Variants in PARVG observed in about 807,000 individuals in gnomAD.
PARVG encodes gamma-parvin.
Under a neutral mutation model 44.4 loss-of-function variants are expected in PARVG, and 36 were observed. The ratio of observed to expected loss-of-function variants is 0.81; its 90% CI spans 0.62 to 1.07. PARVG has a LOEUF of 1.07. Among genes scored for constraint, PARVG ranks in the 50% least tolerant of loss-of-function variants. The pLI is 0.00. For missense variants in PARVG, 407 were observed against 407.4 expected, an observed-to-expected ratio of 1.00 and a Z score of 0.01; for synonymous variants, 170 against 174.1, an observed-to-expected ratio of 0.98 and a Z score of 0.19.
chr22:44,205,253 G>C (rs2054764509), intron 12 of PARVG, among the ~76,000 whole-genome samples: 1 of 152,202 alleles, frequency 6.6e-6, no homozygotes, highest in Non-Finnish European at 1.5e-5. Context: ...GTGAGCTCCA[G>C]TGAGCCCCTT....
chr22:44,181,807 G>T lies in PARVG; in HGVS notation c.-123G>T. The T allele has an allele frequency of 1.0e-6, 1 of 985,492 alleles. No homozygotes were observed. 61.0% of individuals were successfully genotyped at this position (985,492 alleles called of 1,614,324 possible). A position where few individuals can be genotyped will look rare whatever the true frequency, so the allele number is the denominator to read the frequency against. On this transcript the variant is annotated 5_prime_UTR_variant, in exon 2 of 14. Transcript: ENST00000444313. ...GTGAGCAGCGGGGCTCCTGCCTCCC[G>T]GCCTGGTCCCCGAAGACCCCAGAAG...
chr22:44,183,085 G>T lies in PARVG; in HGVS notation c.-12-233G>T, dbSNP rs1048214663. On this transcript the variant is annotated intron_variant, in intron 2 of 13. Coordinates refer to ENST00000444313, the MANE Select transcript of PARVG (RefSeq NM_022141.7). Reference sequence around the variant, plus strand: ...CACTTCCTCCGCCAAGCCTTTGCTTGGCTGTGCCCGCCCTCAGCTTCTGTG... The same window carrying T: ...CACTTCCTCCGCCAAGCCTTTGCTTTGCTGTGCCCGCCCTCAGCTTCTGTG... 36 of 516,850 alleles carry T rather than the reference G, an allele frequency of 7.0e-5. 1 individual carries two copies. The highest frequency in any genetic ancestry group is 2.7e-5 in the Non-Finnish European group (8 of 296,250). 32.0% of individuals were successfully genotyped at this position (516,850 alleles called of 1,614,324 possible).
At chr22:44,185,411 G>A (rs956086351) in intron 3 of PARVG, 1 of 167,554 alleles carries the variant, frequency 6.0e-6, no homozygotes, top group South Asian at 1.5e-4. Context: ...CTGACTACGA[G>A]AGGGGCCATG....
intron 5 of PARVG, 52 bp from the exon 6 acceptor site, chr22:44,189,062 C>G: frequency 6.2e-7 from 1 of 1,610,494 alleles, no homozygotes; most frequent in African/African-American, 1.3e-5. Flanking sequence ...CCCTGAGGTG[C>G]TCTCTGGTCT....
At chr22:44,205,652 C>T in intron 12 of PARVG, 105 bp from the exon 13 acceptor site, 4 of 1,365,150 alleles carry the variant, frequency 2.9e-6, no homozygotes, top group East Asian at 2.5e-5. Context: ...AGTTTAGGCT[C>T]ATGATGGACA....
At chr22:44,193,319 G>A (rs866516260) in intron 8 of PARVG, among the ~76,000 whole-genome samples, 1 of 152,190 alleles carries the variant, frequency 6.6e-6, no homozygotes, top group South Asian at 2.1e-4. Context: ...TCATTTCCAT[G>A]AACTTCCAGG....
At chr22:44,184,577 G>C (rs920624414) in intron 3 of PARVG, 2 of 152,242 alleles carry the variant, frequency 1.3e-5, no homozygotes, top group Non-Finnish European at 2.9e-5. Flanking sequence ...GACCTCAAGT[G>C]ATCCACCCGC....
intron 5 of PARVG, chr22:44,188,175 G>T (rs2054500682): frequency 2.3e-6 from 1 of 434,340 alleles, no homozygotes; most frequent in Non-Finnish European, 4.3e-6. Context: ...TTGAGGTGCT[G>T]GGAGGTAACA....
intron 6 of PARVG, among the ~76,000 whole-genome samples, chr22:44,190,076 C>T (rs1230483894): frequency 1.3e-5 from 2 of 152,178 alleles, no homozygotes; most frequent in Non-Finnish European, 2.9e-5. Flanking sequence ...GCAGCTTCTC[C>T]AAGGTTGGGC....
chr22:44,183,601 CT>C, intron 3 of PARVG, 193 bp downstream of exon 3: 1 of 530,992 alleles, frequency 1.9e-6, no homozygotes. Context: ...GCTAGAACCT[CT>C]TCTCTCCAGA....
rs768880557 is a variant in PARVG, at chr22:44,196,160, G to A, written c.589G>A (p.Val197Ile). The change falls in exon 10 of 14, where the codon GTC becomes ATC. Residue 197 changes from valine (V) to isoleucine (I), a missense_variant. Physicochemically the swap from Val to Ile is conservative, Grantham distance 29. Coordinates refer to ENST00000444313, the MANE Select transcript of PARVG (RefSeq NM_022141.7). Reference sequence around the variant, plus strand: ...TATTGGATCTGTGTCTGCAGAGGACGTCTTTGATGAATTATTTAAGCTGGC... The same window carrying A: ...TATTGGATCTGTGTCTGCAGAGGACATCTTTGATGAATTATTTAAGCTGGC... The part of the protein sequence containing the change: ...STDKDEPPKD[V>I]FDELFKLAPE... 6.3e-5 allele frequency: 101 copies of A among 1,614,052 alleles called. 1 individual carries two copies. Among genetic ancestry groups the A allele is most frequent in the Middle Eastern group, 1.6e-4 (1 of 6,084 alleles).
At chr22:44,198,093 A>G (rs1296256932) in intron 11 of PARVG, among the ~76,000 whole-genome samples, 1 of 152,244 alleles carries the variant, frequency 6.6e-6, no homozygotes, top group Non-Finnish European at 1.5e-5. Context: ...AAATTCCATT[A>G]AGGGCTTCGA....
Position 44,206,499 on chromosome 22 carries a change from C to G in PARVG, c.*73C>G. The G allele has an allele frequency of 7.5e-7, 1 of 1,337,656 alleles. No individual in the cohort carries two copies. Among genetic ancestry groups the G allele is most frequent in the Non-Finnish European group, 1.1e-6 (1 of 931,568 alleles). 82.9% of individuals were successfully genotyped at this position (1,337,656 alleles called of 1,614,324 possible). On this transcript the variant is annotated 3_prime_UTR_variant, in exon 14 of 14. Transcript: ENST00000444313. ...GGGCCCGAGGCTGCAGGGTGTCCTC[C>G]CACAGTCCCGCTGTTTCCTGTGCAT...
At chr22:44,196,871 C>T (rs762492148) in intron 11 of PARVG, among the ~76,000 whole-genome samples, 19 of 152,162 alleles carry the variant, frequency 1.2e-4, no homozygotes, top group Non-Finnish European at 2.4e-4. Context: ...GCCCCTCCCC[C>T]GGCTGACTTA....
intron 12 of PARVG, among the ~76,000 whole-genome samples, chr22:44,201,589 C>T (rs1177758699): frequency 1.3e-5 from 2 of 152,316 alleles, no homozygotes; most frequent in East Asian, 3.9e-4. Context: ...AGGCACGGTG[C>T]CTGCTGCTTC....
At chr22:44,181,320 C>T in intron 1 of PARVG, 135 bp downstream of exon 1, 1 of 985,310 alleles carries the variant, frequency 1.0e-6, no homozygotes, top group Non-Finnish European at 1.2e-6. Context: ...GTGGGAGCCT[C>T]AGCTCAGGGG....
In PARVG at chr22:44,189,242, T is replaced by A; in HGVS notation, c.376T>A (p.Trp126Arg). 6.2e-7 allele frequency: 1 copy of A among 1,613,920 alleles called. No homozygotes were observed. Among genetic ancestry groups the A allele is most frequent in the Non-Finnish European group, 8.5e-7 (1 of 1,179,910 alleles). ...SLQLEEWQAK[W>R]SVESIFNKDL... is the part of the protein sequence containing the mutation. ...GCAGCTGGAGGAGTGGCAGGCCAAG[T>A]GGAGCGTGGAGAGTACGTGGGCCAC... is the stretch of plus-strand genomic sequence containing the variant. The change falls in exon 6 of 14, where the codon TGG (tryptophan) becomes AGG (arginine). Residue 126 changes from tryptophan (W) to arginine (R), a missense_variant. Physicochemically the swap from Trp to Arg is moderately radical, Grantham distance 101 (BLOSUM62 -3). Coordinates refer to ENST00000444313, the MANE Select transcript of PARVG (RefSeq NM_022141.7).
intron 8 of PARVG, among the ~76,000 whole-genome samples, chr22:44,192,851 G>A (rs1479004735): frequency 2.6e-5 from 4 of 152,232 alleles, no homozygotes; most frequent in African/African-American, 9.6e-5. Flanking sequence ...TCCCCATGGA[G>A]CAGAACAGGT....
intron 4 of PARVG, chr22:44,187,261 T>C (rs1180669640): frequency 5.7e-6 from 1 of 175,198 alleles, no homozygotes; most frequent in Non-Finnish European, 1.2e-5. Context: ...CCAGCTGTGA[T>C]GGCTGCAGCA....
Sources: allele counts gnomAD v4.1 joint callset (sites outside exome capture counted in the v4.1 genomes callset), GRCh38; gene constraint gnomAD v4.1.1; transcripts MANE v1.5; gene names NCBI Gene and HGNC (gene_info 2026-07-23, HGNC 2026-07-21).